RADX: variants seen among roughly 807,000 people sequenced by gnomAD.
RADX encodes RPA-related protein RADX.
In RADX, 36 loss-of-function variants were observed where a neutral mutation model predicts 61.6. The ratio of observed to expected loss-of-function variants is 0.58; its 90% CI spans 0.45 to 0.77. RADX has a LOEUF of 0.77. RADX is among the 30% of genes least tolerant of loss of function. The pLI, the probability that RADX is intolerant of heterozygous loss-of-function variation, is 0.00. For missense variants in RADX, 497 were observed against 651.1 expected, an observed-to-expected ratio of 0.76 and a Z score of 2.58; for synonymous variants, 272 against 237.9, an observed-to-expected ratio of 1.14 and a Z score of -1.32.
At position 106,637,884 on chromosome X, in the gene RADX, A is replaced by G. The variant is rs1927399001; in HGVS notation, c.1533A>G (p.Pro511=). The G allele has an allele frequency of 8.3e-7, 1 of 1,207,896 alleles. No homozygotes were observed. The highest frequency in any genetic ancestry group is 1.7e-5 in the African/African-American group (1 of 57,770). ...MVIGGYYPYP[P]VPETFSKYSS... ...TTGGTGGATATTACCCCTATCCACC[A>G]GTGCCAGAGACATTTTCCAAGTATA... Residue 511 remains proline, a synonymous_variant, in exon 8 of 14, where the codon CCA becomes CCG. Transcript: ENST00000372548.
intron 10 of RADX, among the ~76,000 whole-genome samples, chrX:106,645,264 T>G (rs1927627819): frequency 9.0e-6 from 1 of 111,119 alleles, no homozygotes; most frequent in Non-Finnish European, 1.9e-5. Context: ...TTTTATTTAT[T>G]TATGCTCTGA....
chrX:106,659,980 A>G (rs752989247), intron 11 of RADX, among the ~76,000 whole-genome samples: 3 of 112,047 alleles, frequency 2.7e-5, no homozygotes, highest in Non-Finnish European at 5.6e-5. Flanking sequence ...TAAAAATTAG[A>G]ATAGCATATC....
intron 3 of RADX, among the ~76,000 whole-genome samples, chrX:106,625,668 G>A (rs935220406): frequency 9.0e-6 from 1 of 111,394 alleles, no homozygotes; most frequent in African/African-American, 3.3e-5. Flanking sequence ...TTACATAAAA[G>A]TTGAAAGAAT....
intron 1 of RADX, among the ~76,000 whole-genome samples, chrX:106,620,121 A>T (rs1373890107): frequency 9.0e-6 from 1 of 111,504 alleles, no homozygotes; most frequent in African/African-American, 3.3e-5. Flanking sequence ...CCAGGGGCTA[A>T]ATGACGTGTG....
chrX:106,621,414 C>T (rs1172827858), intron 1 of RADX, among the ~76,000 whole-genome samples: 3 of 111,797 alleles, frequency 2.7e-5, no homozygotes, highest in Non-Finnish European at 5.6e-5. Flanking sequence ...GGACCCTTAG[C>T]AAAAGAAATA....
At chrX:106,643,311 T>C (rs1433850647) in intron 10 of RADX, among the ~76,000 whole-genome samples, 1 of 111,510 alleles carries the variant, frequency 9.0e-6, no homozygotes, top group African/African-American at 3.3e-5. Context: ...TTTCCTTTGC[T>C]GTGCAGAAGC....
intron 11 of RADX, among the ~76,000 whole-genome samples, chrX:106,652,746 C>A (rs896326377): frequency 9.4e-6 from 1 of 106,474 alleles, no homozygotes. Context: ...CCAGGATAAA[C>A]GATATCTTAA....
chrX:106,633,495 A>G (rs184579190), intron 6 of RADX, among the ~76,000 whole-genome samples: 1 of 111,701 alleles, frequency 9.0e-6, no homozygotes, highest in Non-Finnish European at 1.9e-5. Context: ...TCCTCTTATC[A>G]ATTCTCATTG....
At chrX:106,613,505 A>C (rs1311549421) in intron 1 of RADX, among the ~76,000 whole-genome samples, 1 of 112,063 alleles carries the variant, frequency 8.9e-6, no homozygotes, top group East Asian at 2.8e-4. Flanking sequence ...GAAAGAAATA[A>C]AATGCAAAAA....
At chrX:106,636,202 G>T (rs1253367788) in intron 6 of RADX, among the ~76,000 whole-genome samples, 1 of 111,330 alleles carries the variant, frequency 9.0e-6, no homozygotes, top group Non-Finnish European at 1.9e-5. Context: ...AAAATGACTT[G>T]CACTCTTTAT....
At chrX:106,651,145 T>C (rs1927785236) in intron 11 of RADX, among the ~76,000 whole-genome samples, 1 of 111,371 alleles carries the variant, frequency 9.0e-6, no homozygotes. Flanking sequence ...AGACATATGA[T>C]ATGTGATAAA....
At chrX:106,661,888 G>T (rs1434411757) in intron 11 of RADX, 127 bp from the exon 12 acceptor site, 5 of 475,276 alleles carry the variant, frequency 1.1e-5, no homozygotes, top group Non-Finnish European at 3.4e-6. Flanking sequence ...ATATTTTGTA[G>T]GTAGTGGTTT....
chrX:106,618,850 C>T (rs1926873834), intron 1 of RADX, among the ~76,000 whole-genome samples: 1 of 110,884 alleles, frequency 9.0e-6, no homozygotes, highest in African/African-American at 3.3e-5. Flanking sequence ...CTTGTCCATC[C>T]CTTTATTTCC....
intron 13 of RADX, among the ~76,000 whole-genome samples, chrX:106,673,670 T>TC (rs201594743): frequency 0.094 from 9,023 of 96,451 alleles, 1,353 homozygotes; most frequent in African/African-American, 0.37. Flanking sequence ...AGGTTGTGTC[T>TC]CCCCCCCATC....
intron 11 of RADX, among the ~76,000 whole-genome samples, chrX:106,658,412 T>G (rs762140174): frequency 4.7e-4 from 53 of 111,732 alleles, no homozygotes; most frequent in Non-Finnish European, 7.3e-4. Flanking sequence ...AGAATAGATA[T>G]GCTGCAACCA....
chrX:106,671,856 T>A (rs1928369971), intron 13 of RADX, among the ~76,000 whole-genome samples: 1 of 112,239 alleles, frequency 8.9e-6, no homozygotes, highest in Non-Finnish European at 1.9e-5. Context: ...TTCTTAATAA[T>A]TTGTAAGTTC....
chrX:106,644,252 G>A (rs1188497637), intron 10 of RADX, among the ~76,000 whole-genome samples: 4 of 110,768 alleles, frequency 3.6e-5, no homozygotes. Flanking sequence ...TTCCAAGTTG[G>A]ATGCCCTTTA....
chrX:106,616,817 A>G (rs953744088), intron 1 of RADX, among the ~76,000 whole-genome samples: 1 of 110,144 alleles, frequency 9.1e-6, no homozygotes, highest in Non-Finnish European at 1.9e-5. Context: ...ATGTGCATCA[A>G]TTCATTTTGA....
chrX:106,679,234 T>C lies in RADX; in HGVS notation c.*976T>C, dbSNP rs1374460685. On this transcript the variant is annotated 3_prime_UTR_variant, in exon 14 of 14. Transcript: ENST00000372548. ...CCAGTTAAGCTATAAACTTGTGGGATTTTCTTGTAGCCCTATAGTTCTGTG... is the reference window on the plus strand; with the variant it reads ...CCAGTTAAGCTATAAACTTGTGGGACTTTCTTGTAGCCCTATAGTTCTGTG... 2.7e-5 allele frequency: 3 copies of C among 111,976 alleles called. No homozygotes were observed. Among genetic ancestry groups the C allele is most frequent in the Non-Finnish European group, 5.6e-5 (3 of 53,190 alleles). 9.2% of individuals were successfully genotyped at this position (111,976 alleles called of 1,213,427 possible). A position where few individuals can be genotyped will look rare whatever the true frequency, so the allele number is the denominator to read the frequency against.
Sources: allele counts gnomAD v4.1 joint callset (sites outside exome capture counted in the v4.1 genomes callset), GRCh38; gene constraint gnomAD v4.1.1; transcripts MANE v1.5; gene names NCBI Gene and HGNC (gene_info 2026-07-23, HGNC 2026-07-21).